The following ERGIC3 variants were observed in gnomAD, a reference collection of about 807,000 sequenced individuals.
The protein encoded by ERGIC3 is ERGIC and golgi 3.
ERGIC3 carries 33 observed loss-of-function variants against 54.7 expected under a neutral mutation model. That is an observed-to-expected ratio of 0.60 (90% confidence interval 0.46 to 0.81). The LOEUF is 0.81. Ranked by LOEUF, ERGIC3 falls within the 30% of genes least tolerant of loss-of-function variation. ERGIC3 has a pLI of 0.00. For synonymous variants in ERGIC3, 186 were observed against 189.8 expected (o/e 0.98, Z 0.16); for missense variants, 399 against 488.4 (o/e 0.82, Z 1.73).
At chr20:35,548,716 G>C (rs1273589416) in intron 6 of ERGIC3, 42 bp downstream of exon 6, 2 of 1,614,028 alleles carry the variant, frequency 1.2e-6, no homozygotes, top group Non-Finnish European at 1.7e-6. Context: ...AGCTGGGCTG[G>C]GCAAGCTCCA....
At position 35,542,874 on chromosome 20, in the gene ERGIC3, AC is replaced by A; in HGVS notation, c.301del (p.His101ThrfsTer8). The A allele has an allele frequency of 6.2e-7, 1 of 1,614,096 alleles. No individual in the cohort carries two copies. The highest frequency in any genetic ancestry group is 1.1e-5 in the South Asian group (1 of 91,076). ...VAGEQQLDVE[H>X]NLFKQRLDKD... ...CCGGAGAACAGCAGCTGGATGTGGA[AC>A]ACAACCTGTTCAAGCAACGACTAGA... On this transcript the variant is annotated frameshift_variant, in exon 4 of 13. Transcript: ENST00000348547. LOFTEE classifies it high-confidence loss of function.
intron 3 of ERGIC3, 75 bp downstream of exon 3, chr20:35,542,675 C>G: frequency 6.2e-7 from 1 of 1,601,964 alleles, no homozygotes; most frequent in South Asian, 1.1e-5. Context: ...CACCTCCACC[C>G]TTAGGTTCTG....
At chr20:35,555,441 A>T (rs998492987) in intron 8 of ERGIC3, among the ~76,000 whole-genome samples, 1 of 152,054 alleles carries the variant, frequency 6.6e-6, no homozygotes, top group Non-Finnish European at 1.5e-5. Context: ...CATCTTTCTC[A>T]TGAGAACAGT....
Position 35,548,535 on chromosome 20 carries a change from G to T in ERGIC3, c.488G>T (p.Arg163Leu). ...TGCTGTAACACCTGTGAAGATGTGCGGGAGGCATATCGCCGTAGAGGCTGG... is the reference window on the plus strand; with the variant it reads ...TGCTGTAACACCTGTGAAGATGTGCTGGAGGCATATCGCCGTAGAGGCTGG... ...IKCCNTCEDV[R>L]EAYRRRGWAF... The change falls in exon 6 of 13, where the codon CGG becomes CTG. Residue 163 changes from arginine (R) to leucine (L), a missense_variant. Arg to Leu is a moderately radical substitution (Grantham distance 102, BLOSUM62 -2). Transcript: ENST00000348547. 6.2e-7 allele frequency: 1 copy of T among 1,614,168 alleles called. No individual in the cohort carries two copies. Among genetic ancestry groups the T allele is most frequent in the Non-Finnish European group, 8.5e-7 (1 of 1,180,032 alleles).
In ERGIC3 at chr20:35,542,952, G is replaced by A. The variant is rs773168951; in HGVS notation, c.367+11G>A. The stretch of plus-strand genomic sequence containing the variant: ...AGGCTGAGCGGCATGGTAACCAGGG[G>A]AGGGGGCCGGGTCTCAGATCCCAAA... On this transcript the variant is annotated intron_variant, in intron 4 of 12. Coordinates refer to ENST00000348547, the MANE Select transcript of ERGIC3 (RefSeq NM_015966.3). 28 of 1,613,560 alleles carry A rather than the reference G, an allele frequency of 1.7e-5. 1 individual carries two copies. In the East Asian group the frequency reaches 6.2e-4, roughly 36 times the overall value.
At chr20:35,555,550 A>G (rs532781002) in intron 8 of ERGIC3, among the ~76,000 whole-genome samples, 1 of 152,302 alleles carries the variant, frequency 6.6e-6, no homozygotes, top group East Asian at 1.9e-4. Flanking sequence ...ACAAGGGAGC[A>G]GGAAGGGAGT....
At position 35,542,502 on chromosome 20, in the gene ERGIC3, C is replaced by T. The variant is rs199610645; in HGVS notation, c.160-11C>T. On this transcript the variant is annotated splice_polypyrimidine_tract_variant and intron_variant, in intron 2 of 12. Transcript: ENST00000348547. ...TTGGGGCTAAGTCTTACTGAGGTAG[C>T]GCTGCCCCAGGTGCATCCTGAGCTC... 3.7e-6 allele frequency: 6 copies of T among 1,613,780 alleles called. No homozygotes were observed. Among genetic ancestry groups the T allele is most frequent in the South Asian group, 2.2e-5 (2 of 91,078 alleles).
At chr20:35,550,219 G>A (rs1433764784) in intron 7 of ERGIC3, among the ~76,000 whole-genome samples, 1 of 152,030 alleles carries the variant, frequency 6.6e-6, no homozygotes, top group Non-Finnish European at 1.5e-5. Flanking sequence ...GTTACAAGCA[G>A]AGAGAACAGC....
chr20:35,554,286 T>C, intron 7 of ERGIC3: 1 of 1,532,068 alleles, frequency 6.5e-7, no homozygotes. Flanking sequence ...GTTCCAGTCT[T>C]CCCTCCTGCA....
chr20:35,547,525 G>A lies in ERGIC3; in HGVS notation c.461+20G>A, dbSNP rs2064655672. The A allele has an allele frequency of 1.2e-6, 2 of 1,610,528 alleles. No homozygotes were observed. Among genetic ancestry groups the A allele is most frequent in the Non-Finnish European group, 8.5e-7 (1 of 1,177,130 alleles). Reference sequence around the variant, plus strand: ...TATCAAGTGAGCTGGCGGGGAGCGGGAGCAGGGTTCCCATCAGGCGCCATC... The same window carrying A: ...TATCAAGTGAGCTGGCGGGGAGCGGAAGCAGGGTTCCCATCAGGCGCCATC... On this transcript the variant is annotated intron_variant, in intron 5 of 12. Transcript: ENST00000348547.
At chr20:35,552,058 G>A (rs1456459002) in intron 7 of ERGIC3, among the ~76,000 whole-genome samples, 1 of 152,198 alleles carries the variant, frequency 6.6e-6, no homozygotes, top group Admixed American at 6.5e-5. Flanking sequence ...AGTGACCGGA[G>A]TGAAGTCCTG....
At chr20:35,548,759 A>T (rs1250815459) in intron 6 of ERGIC3, 49 bp from the exon 7 acceptor site, 1 of 1,614,060 alleles carries the variant, frequency 6.2e-7, no homozygotes. Flanking sequence ...GGCCCTGAGT[A>T]GGCAAAAGGA....
chr20:35,557,403 C>T (rs756395627), intron 12 of ERGIC3, 22 bp from the exon 13 acceptor site: 1 of 1,612,892 alleles, frequency 6.2e-7, no homozygotes, highest in Non-Finnish European at 8.5e-7. Context: ...TGGGCCAGTG[C>T]CAGCCCTTGT....
In ERGIC3 at chr20:35,556,960, C is replaced by T; in HGVS notation, c.880-13C>T. On this transcript the variant is annotated splice_polypyrimidine_tract_variant and intron_variant, in intron 10 of 12. Coordinates refer to ENST00000348547, the MANE Select transcript of ERGIC3 (RefSeq NM_015966.3). ...TAGCCCTAGCCCTGGCCCAGGCTCC[C>T]CTCCCACCCCAGGTACTGAGGACAA... 6.2e-7 allele frequency: 1 copy of T among 1,614,026 alleles called. No individual in the cohort carries two copies. Among genetic ancestry groups the T allele is most frequent in the Non-Finnish European group, 8.5e-7 (1 of 1,179,960 alleles).
Position 35,556,287 on chromosome 20 carries a change from C to T in ERGIC3, c.879+16C>T, listed in dbSNP as rs1312266157. 1.2e-6 allele frequency: 2 copies of T among 1,613,850 alleles called. No homozygotes were observed. Among genetic ancestry groups the T allele is most frequent in the South Asian group, 1.1e-5 (1 of 91,054 alleles). On this transcript the variant is annotated intron_variant, in intron 10 of 12. Coordinates refer to ENST00000348547, the MANE Select transcript of ERGIC3 (RefSeq NM_015966.3). Reference sequence around the variant, plus strand: ...GGACGGAGAGGTGAGTCAGGGAGCTCCCTACCAGAGTCTCCTGCGCGGTGC... The same window carrying T: ...GGACGGAGAGGTGAGTCAGGGAGCTTCCTACCAGAGTCTCCTGCGCGGTGC...
intron 7 of ERGIC3, among the ~76,000 whole-genome samples, chr20:35,553,465 G>A (rs1184593216): frequency 2.0e-5 from 3 of 152,046 alleles, no homozygotes; most frequent in African/African-American, 7.3e-5. Flanking sequence ...AAGTGAAGAG[G>A]AACCCAGGGG....
chr20:35,549,236 C>A, intron 7 of ERGIC3: 1 of 473,646 alleles, frequency 2.1e-6, no homozygotes. Flanking sequence ...GGTAGCCCCC[C>A]GTGTCCGATG....
chr20:35,547,099 G>A (rs1183810571), intron 4 of ERGIC3, among the ~76,000 whole-genome samples: 1 of 152,206 alleles, frequency 6.6e-6, no homozygotes, highest in Non-Finnish European at 1.5e-5. Flanking sequence ...CATCTTCTCA[G>A]TAAAACAGGG....
intron 12 of ERGIC3, 86 bp downstream of exon 12, chr20:35,557,335 A>G: frequency 1.2e-6 from 2 of 1,609,606 alleles, no homozygotes; most frequent in Non-Finnish European, 1.7e-6. Flanking sequence ...GAAGGGGCAG[A>G]TGCTGGCCTG....
Sources: allele counts gnomAD v4.1 joint callset (sites outside exome capture counted in the v4.1 genomes callset), GRCh38; gene constraint gnomAD v4.1.1; transcripts MANE v1.5; gene names NCBI Gene and HGNC (gene_info 2026-07-23, HGNC 2026-07-21).